ADISSP: variants seen among roughly 807,000 people sequenced by gnomAD.
The protein encoded by ADISSP is adipose secreted signaling protein, also known as adipose-secreted signaling protein.
chr20:3,757,161 C>T, the ADISSP span, among the ~76,000 whole-genome samples: 3 of 152,096 alleles, frequency 2.0e-5, no homozygotes, highest in African/African-American at 7.2e-5. Flanking sequence ...CCATCCTGGC[C>T]AACAGAGTGA....
At chr20:3,768,128 G>A in the ADISSP span, 7,033 of 152,364 alleles carry the variant, frequency 0.046, 236 homozygotes, top group Non-Finnish European at 0.073. Flanking sequence ...GCTCTCGGGA[G>A]GGCTGTCGGG....
chr20:3,760,210 GCAGGGGT>G, the ADISSP span: 2 of 913,502 alleles, frequency 2.2e-6, no homozygotes, highest in African/African-American at 3.2e-5. Context: ...AGTGGGGAGG[GCAGGGGT>G]CAGGGCCACT....
At chr20:3,760,939 T>A in the ADISSP span, among the ~76,000 whole-genome samples, 9 of 152,164 alleles carry the variant, frequency 5.9e-5, no homozygotes, top group East Asian at 1.7e-3. Flanking sequence ...ATGGAACACA[T>A]AAAAGCAGTG....
chr20:3,754,957 G>A, the ADISSP span, among the ~76,000 whole-genome samples: 3 of 152,282 alleles, frequency 2.0e-5, no homozygotes, highest in Non-Finnish European at 2.9e-5. Flanking sequence ...GTCATGAAGA[G>A]GCTGGTGACG....
At chr20:3,754,108 C>T in the ADISSP span, 32 of 1,613,342 alleles carry the variant, frequency 2.0e-5, no homozygotes, top group Admixed American at 3.3e-5. Context: ...TCCAGCTCGG[C>T]GCCCACACAC....
At chr20:3,757,235 A>G in the ADISSP span, among the ~76,000 whole-genome samples, 1 of 152,100 alleles carries the variant, frequency 6.6e-6, no homozygotes, top group African/African-American at 2.4e-5. Context: ...CTGTAATCCC[A>G]GCTACTCTGG....
the ADISSP span, among the ~76,000 whole-genome samples, chr20:3,765,887 G>C: frequency 0.99 from 151,440 of 152,206 alleles, 75,345 homozygotes; most frequent in East Asian, 1. Flanking sequence ...GTGCCTCCCC[G>C]CCAGCAAAAA....
the ADISSP span, chr20:3,759,945 G>A: frequency 3.4e-5 from 47 of 1,399,130 alleles, no homozygotes; most frequent in South Asian, 7.0e-5. This position sits in a 1 kb window ranked among gnomAD's most constrained non-coding sequence, Gnocchi z 4.6. Context: ...AATCACATTC[G>A]CACACCAGCA....
chr20:3,767,082 AT>A, the ADISSP span: 1 of 152,080 alleles, frequency 6.6e-6, no homozygotes, highest in South Asian at 2.1e-4. Flanking sequence ...GCCACACCCC[AT>A]TCTTGTCATC....
At chr20:3,754,428 A>G in the ADISSP span, 2 of 1,613,796 alleles carry the variant, frequency 1.2e-6, no homozygotes. Flanking sequence ...TCACGCGCAC[A>G]CAGGTGCCAG....
At chr20:3,760,170 G>C in the ADISSP span, 1 of 1,319,530 alleles carries the variant, frequency 7.6e-7, no homozygotes, top group Non-Finnish European at 1.1e-6. Flanking sequence ...CCATGCTCCA[G>C]GGACACCAGC....
At chr20:3,764,833 G>A in the ADISSP span, among the ~76,000 whole-genome samples, 1 of 152,350 alleles carries the variant, frequency 6.6e-6, no homozygotes, top group African/African-American at 2.4e-5. Flanking sequence ...GGGCTCTGAG[G>A]AAGCAGAACT....
At chr20:3,766,877 G>T in the ADISSP span, among the ~76,000 whole-genome samples, 1 of 152,136 alleles carries the variant, frequency 6.6e-6, no homozygotes, top group East Asian at 1.9e-4. Context: ...CAAGATTCAA[G>T]AAGAAAGGCA....
At chr20:3,759,983 ACAC>A in the ADISSP span, 1 of 1,581,068 alleles carries the variant, frequency 6.3e-7, no homozygotes, top group East Asian at 2.2e-5. The surrounding 1 kb of genome is among the most constrained non-coding windows in gnomAD (Gnocchi z 4.6). Context: ...GCACACACAC[ACAC>A]ACAGGTGGTG....
chr20:3,759,195 C>T, the ADISSP span, among the ~76,000 whole-genome samples: 4 of 152,106 alleles, frequency 2.6e-5, no homozygotes, highest in Non-Finnish European at 5.9e-5. This position sits in a 1 kb window ranked among gnomAD's most constrained non-coding sequence, Gnocchi z 4.6. Flanking sequence ...GTGGCAGAAA[C>T]AGGGGGGATC....
the ADISSP span, among the ~76,000 whole-genome samples, chr20:3,757,946 C>T: frequency 3.9e-5 from 6 of 151,966 alleles, no homozygotes; most frequent in Admixed American, 3.9e-4. Flanking sequence ...ACTCTGGACC[C>T]CTGATTTATT....
the ADISSP span, chr20:3,758,812 A>G: frequency 2.5e-6 from 2 of 795,954 alleles, no homozygotes; most frequent in Non-Finnish European, 4.0e-6. The surrounding 1 kb of genome is among the most constrained non-coding windows in gnomAD (Gnocchi z 5.5). Context: ...TCAGGGCTAG[A>G]TGGACACTAG....
chr20:3,763,148 C>G, the ADISSP span, among the ~76,000 whole-genome samples: 2 of 149,830 alleles, frequency 1.3e-5, no homozygotes, highest in Non-Finnish European at 2.9e-5. Context: ...CCCAGCTACT[C>G]AGGAGGCTGA....
chr20:3,755,369 C>T, the ADISSP span: 41 of 1,162,624 alleles, frequency 3.5e-5, no homozygotes, highest in East Asian at 6.9e-4. Context: ...GCCACATCCC[C>T]GACTTGCTGA....
Sources: allele counts gnomAD v4.1 joint callset (sites outside exome capture counted in the v4.1 genomes callset), GRCh38; gene constraint gnomAD v4.1.1; non-coding constraint Gnocchi (gnomAD v3.1); transcripts MANE v1.5; gene names NCBI Gene and HGNC (gene_info 2026-07-23, HGNC 2026-07-21).